Variants in MTREX observed in about 807,000 individuals in gnomAD.
MTREX encodes the protein exosome RNA helicase MTR4.
A neutral mutation model predicts 135.4 loss-of-function variants in MTREX; 76 were observed. That is an observed-to-expected ratio of 0.56 (90% confidence interval 0.47 to 0.68). The LOEUF is 0.68. Ranked by LOEUF, MTREX falls within the 30% of genes least tolerant of loss-of-function variation. MTREX has a pLI of 0.00. For synonymous variants in MTREX, 404 were observed against 401.6 expected (o/e 1.01, Z -0.07); for missense variants, 920 against 1,262.1 (o/e 0.73, Z 4.11).
intron 16 of MTREX, among the ~76,000 whole-genome samples, chr5:55,375,904 G>A (rs970733584): frequency 2.0e-5 from 3 of 152,114 alleles, no homozygotes; most frequent in South Asian, 4.1e-4. Flanking sequence ...CTGTCTTCCC[G>A]CAACATCTCT....
At chr5:55,375,375 T>C (rs1316118579) in intron 16 of MTREX, among the ~76,000 whole-genome samples, 1 of 152,180 alleles carries the variant, frequency 6.6e-6, no homozygotes, top group Non-Finnish European at 1.5e-5. Flanking sequence ...TTCAGAGACC[T>C]ACTCCTAGGT....
chr5:55,339,942 A>G, intron 5 of MTREX, 68 bp from the exon 6 acceptor site: 1 of 1,233,054 alleles, frequency 8.1e-7, no homozygotes. Context: ...CAATTTAAAT[A>G]TTAACAGAAT....
At chr5:55,369,773 C>T (rs1750165170) in intron 16 of MTREX, among the ~76,000 whole-genome samples, 1 of 152,206 alleles carries the variant, frequency 6.6e-6, no homozygotes, top group African/African-American at 2.4e-5. Context: ...AAGTCTCCTA[C>T]CCTTGGAACT....
intron 16 of MTREX, among the ~76,000 whole-genome samples, chr5:55,375,286 G>A (rs1401791302): frequency 1.3e-5 from 2 of 152,102 alleles, no homozygotes; most frequent in Non-Finnish European, 2.9e-5. Flanking sequence ...AATAAGCATG[G>A]GAGCGCTATG....
intron 10 of MTREX, among the ~76,000 whole-genome samples, chr5:55,346,771 A>T (rs1047552013): frequency 1.3e-5 from 2 of 151,970 alleles, no homozygotes; most frequent in African/African-American, 4.8e-5. Context: ...TTGTCTTTTT[A>T]CTTTATTGAT....
chr5:55,385,179 G>A (rs1025479434), intron 18 of MTREX, among the ~76,000 whole-genome samples: 2 of 152,180 alleles, frequency 1.3e-5, no homozygotes, highest in African/African-American at 2.4e-5. Flanking sequence ...ACTTTTCTCT[G>A]AGTAACATCA....
At chr5:55,354,344 CAGT>C (rs1295942191) in intron 14 of MTREX, among the ~76,000 whole-genome samples, 1 of 152,136 alleles carries the variant, frequency 6.6e-6, no homozygotes, top group Non-Finnish European at 1.5e-5. Context: ...GCTAAGCAGA[CAGT>C]AGAATATTGG....
In MTREX at chr5:55,328,627, G is replaced by A. The variant is rs751571611; in HGVS notation, c.403-72G>A. On this transcript the variant is annotated intron_variant, in intron 4 of 26. Transcript: ENST00000230640. ...GAATGCTTTGGGGGGTAGCCTGCTT[G>A]TGTTTTGATTTTAAGTATGCTCTGA... 21 of 1,009,968 alleles carry A rather than the reference G, an allele frequency of 2.1e-5. 1 individual carries two copies. The highest frequency in any genetic ancestry group is 3.1e-5 in the Non-Finnish European group (20 of 644,984). 62.6% of individuals were successfully genotyped at this position (1,009,968 alleles called of 1,614,324 possible). A position where few individuals can be genotyped will look rare whatever the true frequency, so the allele number is the denominator to read the frequency against.
chr5:55,326,460 C>A (rs774630126), intron 3 of MTREX, among the ~76,000 whole-genome samples: 1 of 151,892 alleles, frequency 6.6e-6, no homozygotes, highest in Non-Finnish European at 1.5e-5. Flanking sequence ...GGTCAAAAGC[C>A]CCTTCTGTGC....
chr5:55,320,652 A>G (rs199695480), intron 1 of MTREX, among the ~76,000 whole-genome samples: 2 of 57,710 alleles, frequency 3.5e-5, no homozygotes, highest in Non-Finnish European at 5.9e-5. Context: ...TGTCCCTTAG[A>G]AAAAATAACT....
In MTREX at chr5:55,408,917, TTTTATTTATTTATTTATTTATTTA is replaced by T. The variant is rs140029940; in HGVS notation, c.2646-1579_2646-1556del. Among the ~76,000 whole-genome samples, 122 of 144,330 alleles carry T rather than the reference TTTTATTTATTTATTTATTTATTTA, an allele frequency of 8.5e-4. 1 individual carries two copies. Among genetic ancestry groups the T allele is most frequent in the South Asian group, 4.1e-3 (18 of 4,436 alleles). 94.7% of individuals were successfully genotyped at this position (144,330 alleles called of 152,430 possible). On this transcript the variant is annotated intron_variant, in intron 22 of 26. Transcript: ENST00000230640. ...ATAATAACTAGTGCATGAACAATAT[TTTTATTTATTTATTTATTTATTTA>T]TTTATTTATTTATTTATTTATTTAT...
chr5:55,335,888 G>C (rs189486000), intron 5 of MTREX, among the ~76,000 whole-genome samples: 4 of 152,232 alleles, frequency 2.6e-5, no homozygotes, highest in Middle Eastern at 3.4e-3. Context: ...CGATGAAAAT[G>C]ATGTATTTCT....
At chr5:55,382,930 G>C (rs949435443) in intron 18 of MTREX, among the ~76,000 whole-genome samples, 5 of 152,174 alleles carry the variant, frequency 3.3e-5, no homozygotes, top group African/African-American at 1.2e-4. Context: ...CACCATGCCT[G>C]GCCACTTTTT....
At chr5:55,318,257 T>G (rs1749230866) in intron 1 of MTREX, among the ~76,000 whole-genome samples, 1 of 152,084 alleles carries the variant, frequency 6.6e-6, no homozygotes, top group African/African-American at 2.4e-5. Flanking sequence ...GACCCAGCAA[T>G]CCCATTACTG....
intron 3 of MTREX, 75 bp downstream of exon 3, chr5:55,324,273 G>A: frequency 3.9e-6 from 4 of 1,034,940 alleles, no homozygotes; most frequent in African/African-American, 1.7e-5. Context: ...ATGATGATCA[G>A]CAAACAGTTT....
At chr5:55,342,233 G>GAT (rs1458818488) in intron 7 of MTREX, among the ~76,000 whole-genome samples, 1 of 152,098 alleles carries the variant, frequency 6.6e-6, no homozygotes, top group Non-Finnish European at 1.5e-5. Context: ...TGGACAACAT[G>GAT]ATATTATTTT....
At chr5:55,424,408 G>A (rs934786768) in intron 26 of MTREX, 1 of 183,614 alleles carries the variant, frequency 5.4e-6, no homozygotes, top group Non-Finnish European at 1.1e-5. Flanking sequence ...GCCTCCCAGA[G>A]TGCTGGGATT....
At chr5:55,368,068 A>T (rs1006944359) in intron 16 of MTREX, among the ~76,000 whole-genome samples, 1 of 152,222 alleles carries the variant, frequency 6.6e-6, no homozygotes, top group Non-Finnish European at 1.5e-5. Flanking sequence ...TAATGCTTAT[A>T]ATTAATATCA....
At chr5:55,323,257 G>A (rs914575755) in intron 2 of MTREX, among the ~76,000 whole-genome samples, 1 of 152,098 alleles carries the variant, frequency 6.6e-6, no homozygotes, top group African/African-American at 2.4e-5. Flanking sequence ...TGTAACTTTT[G>A]AGTTTGTCCA....
Sources: gnomAD v4.1 joint callset for allele counts (sites outside exome capture counted in the v4.1 genomes callset) on GRCh38, gnomAD v4.1.1 for gene constraint, MANE v1.5 for transcripts, NCBI Gene and HGNC (gene_info 2026-07-23, HGNC 2026-07-21) for gene names.